FAM184B: variants seen among roughly 807,000 people sequenced by gnomAD.
FAM184B encodes the protein family with sequence similarity 184 member B.
In FAM184B, 111 loss-of-function variants were observed where a neutral mutation model predicts 135.9. The ratio of observed to expected loss-of-function variants is 0.82; its 90% CI spans 0.70 to 0.96. FAM184B has a LOEUF of 0.96. Among genes scored for constraint, FAM184B ranks in the 40% least tolerant of loss-of-function variants. The probability of loss-of-function intolerance (pLI) is 0.00; values close to 1 mark genes in which losing one functional copy is unlikely to be tolerated. For synonymous variants in FAM184B, 552 were observed against 524.8 expected, an observed-to-expected ratio of 1.05 and a Z score of -0.71; for missense variants, 1,375 against 1,323.9, an observed-to-expected ratio of 1.04 and a Z score of -0.60.
At chr4:17,750,327 C>A (rs997272070) in intron 1 of FAM184B, among the ~76,000 whole-genome samples, 1 of 152,134 alleles carries the variant, frequency 6.6e-6, no homozygotes, top group Non-Finnish European at 1.5e-5. Flanking sequence ...AGTTTTAATC[C>A]TATGAACTTT....
chr4:17,634,858 G>A (rs182144411), intron 16 of FAM184B, 151 bp downstream of exon 16: 82 of 516,222 alleles, frequency 1.6e-4, no homozygotes, highest in East Asian at 8.4e-4. Context: ...CACATAATCC[G>A]CCCAGCCATA....
intron 7 of FAM184B, among the ~76,000 whole-genome samples, chr4:17,665,571 A>T (rs2108945096): frequency 6.6e-6 from 1 of 152,274 alleles, no homozygotes; most frequent in East Asian, 1.9e-4. Context: ...CTGTGAAACA[A>T]AGGGGCTGGC....
chr4:17,632,624 T>G lies in FAM184B; in HGVS notation c.3091A>C (p.Thr1031Pro), dbSNP rs1411752136. 6.6e-7 allele frequency: 1 copy of G among 1,522,784 alleles called. No individual in the cohort carries two copies. Among genetic ancestry groups the G allele is most frequent in the Non-Finnish European group, 8.8e-7 (1 of 1,133,518 alleles). 94.3% of individuals were successfully genotyped at this position (1,522,784 alleles called of 1,614,324 possible). Residue 1031 changes from threonine (T) to proline (P), a missense_variant and splice_region_variant, in exon 18 of 18, where the codon ACC (threonine) becomes CCC (proline). Physicochemically the swap from Thr to Pro is conservative, Grantham distance 38. Coordinates refer to ENST00000265018, the MANE Select transcript of FAM184B (RefSeq NM_015688.2). ...QSTDAKTATR[T>P]PDGETAQAKE... Reference sequence around the variant, plus strand: ...GCTTGGGCCGTTTCACCATCTGGGGTCCTAAAAGCAAAAAAAGGTTTTTTT... The same window carrying G: ...GCTTGGGCCGTTTCACCATCTGGGGGCCTAAAAGCAAAAAAAGGTTTTTTT...
Position 17,709,512 on chromosome 4 carries a change from C to A in FAM184B, c.274G>T (p.Ala92Ser). The part of the protein sequence containing the change: ...KARLLQEQGC[A>S]EEEALLQRIQ... Reference sequence around the variant, plus strand: ...CGCTGTAGAAGGGCTTCCTCCTCTGCGCAGCCCTGTTCCTGCAGGAGCCTG... The same window carrying A: ...CGCTGTAGAAGGGCTTCCTCCTCTGAGCAGCCCTGTTCCTGCAGGAGCCTG... Residue 92 changes from alanine to serine, a missense_variant, in exon 2 of 18, where the codon GCA becomes TCA. Physicochemically the swap from Ala to Ser is moderately conservative, Grantham distance 99. Transcript: ENST00000265018. 6.4e-7 allele frequency: 1 copy of A among 1,551,008 alleles called. No homozygotes were observed. The highest frequency in any genetic ancestry group is 1.2e-5 in the South Asian group (1 of 84,014).
At chr4:17,642,534 C>T (rs1481904033) in intron 12 of FAM184B, among the ~76,000 whole-genome samples, 3 of 152,202 alleles carry the variant, frequency 2.0e-5, no homozygotes, top group Non-Finnish European at 4.4e-5. Flanking sequence ...TCCATGCCTG[C>T]CTCAGTGAAG....
In FAM184B at chr4:17,708,693, A is replaced by G. The variant is rs1268436595; in HGVS notation, c.894+199T>C. On this transcript the variant is annotated intron_variant, in intron 2 of 17. Transcript: ENST00000265018. ...TATATATATATATATATATATATAT[A>G]TATATATATATATATAGTGTCTGTG... 2.3e-4 allele frequency among the ~76,000 whole-genome samples: 12 copies of G among 51,098 alleles called. 1 individual carries two copies. The highest frequency in any genetic ancestry group is 7.5e-4 in the African/African-American group (9 of 11,928). The allele number at this position is 51,098 out of a possible 152,430, so 33.5% of individuals were successfully genotyped here.
intron 7 of FAM184B, among the ~76,000 whole-genome samples, chr4:17,674,680 A>ATC (rs1716271743): frequency 6.6e-6 from 1 of 152,220 alleles, no homozygotes; most frequent in South Asian, 2.1e-4. Context: ...ATCCTCTCAA[A>ATC]CTGTCACTGA....
At chr4:17,659,355 C>T (rs1470912508) in intron 9 of FAM184B, among the ~76,000 whole-genome samples, 3 of 152,132 alleles carry the variant, frequency 2.0e-5, no homozygotes, top group Non-Finnish European at 4.4e-5. Context: ...ATTCCTCCTG[C>T]CTCAGCCTCC....
chr4:17,711,944 T>C (rs752952993), intron 1 of FAM184B, among the ~76,000 whole-genome samples: 2 of 152,098 alleles, frequency 1.3e-5, no homozygotes, highest in Admixed American at 1.3e-4. Context: ...GAAGAAAGCA[T>C]AAAAGTGTGA....
intron 11 of FAM184B, 33 bp downstream of exon 11, chr4:17,652,797 C>T (rs1445886436): frequency 1.0e-5 from 16 of 1,529,732 alleles, no homozygotes; most frequent in Non-Finnish European, 1.4e-5. Flanking sequence ...TGCAGTTGGC[C>T]AGGCCCTCCT....
rs1253646753 is a variant in FAM184B at position 17,664,662 on chromosome 4, A to G, written c.1597-3T>C. 3 of 1,524,906 alleles carry G rather than the reference A, an allele frequency of 2.0e-6. No homozygotes were observed. The highest frequency in any genetic ancestry group is 4.9e-5 in the East Asian group (2 of 40,738). The allele number at this position is 1,524,906 out of a possible 1,614,324, so 94.5% of individuals were successfully genotyped here. ...TCATCCAGCTTCAAGCATGGATCCT[A>G]AGGCCAAAAAAGAAAAAGAAAAAAA... is the stretch of plus-strand genomic sequence containing the variant. On this transcript the variant is annotated splice_region_variant and splice_polypyrimidine_tract_variant and intron_variant, in intron 7 of 17. Coordinates refer to ENST00000265018, the MANE Select transcript of FAM184B (RefSeq NM_015688.2).
intron 1 of FAM184B, among the ~76,000 whole-genome samples, chr4:17,731,370 G>C (rs1717770638): frequency 6.6e-6 from 1 of 152,136 alleles, no homozygotes; most frequent in Non-Finnish European, 1.5e-5. Context: ...CCAATTAAAA[G>C]GCACAGACTG....
chr4:17,638,624 TAAC>T (rs1715218267), intron 14 of FAM184B, among the ~76,000 whole-genome samples: 1 of 152,222 alleles, frequency 6.6e-6, no homozygotes, highest in South Asian at 2.1e-4. Flanking sequence ...AATGGGTCCT[TAAC>T]AATTATTTGT....
chr4:17,755,528 T>C (rs528770450), intron 1 of FAM184B, among the ~76,000 whole-genome samples: 44 of 152,308 alleles, frequency 2.9e-4, no homozygotes, highest in African/African-American at 1.1e-3. Context: ...GAAGCAGAAA[T>C]ACCATTTGAC....
chr4:17,739,173 C>A (rs1717969677), intron 1 of FAM184B, among the ~76,000 whole-genome samples: 1 of 152,198 alleles, frequency 6.6e-6, no homozygotes, highest in Admixed American at 6.5e-5. Flanking sequence ...CCTCACTTGA[C>A]CCACAAGGTG....
rs1307058230 is a variant in FAM184B at position 17,632,261 on chromosome 4, G to A, written c.*271C>T. On this transcript the variant is annotated 3_prime_UTR_variant, in exon 18 of 18. Coordinates refer to ENST00000265018, the MANE Select transcript of FAM184B (RefSeq NM_015688.2). ...GGCTAATTTTTGTATATTTTGTAGAGATGGGGTTTCACCATATTGGCCAGG... is the reference window on the plus strand; with the variant it reads ...GGCTAATTTTTGTATATTTTGTAGAAATGGGGTTTCACCATATTGGCCAGG... 1 of 223,860 alleles carries A rather than the reference G, an allele frequency of 4.5e-6. No homozygotes were observed. Among genetic ancestry groups the A allele is most frequent in the African/African-American group, 2.3e-5 (1 of 43,940 alleles). The allele number at this position is 223,860 out of a possible 1,614,324, so 13.9% of individuals were successfully genotyped here.
In FAM184B at chr4:17,636,518, A is replaced by AC; in HGVS notation, c.2784+9dup. 3.2e-6 allele frequency: 5 copies of AC among 1,544,112 alleles called. No individual in the cohort carries two copies. Among genetic ancestry groups the AC allele is most frequent in the Non-Finnish European group, 4.4e-6 (5 of 1,141,786 alleles). Reference sequence around the variant, plus strand: ...AGGTGCGTGGGTGAGGCGCCCCCTGACAGCCTCACCGTGAGCTGCTTGATG... The same window carrying AC: ...AGGTGCGTGGGTGAGGCGCCCCCTGACCAGCCTCACCGTGAGCTGCTTGATG... On this transcript the variant is annotated intron_variant, in intron 15 of 17. Coordinates refer to ENST00000265018, the MANE Select transcript of FAM184B (RefSeq NM_015688.2).
rs199536597 is a variant in FAM184B at position 17,654,193 on chromosome 4, C to CT, written c.2038-1211dup. 9.9e-3 allele frequency among the ~76,000 whole-genome samples: 1,374 copies of CT among 138,250 alleles called. 20 individuals carry two copies. Among genetic ancestry groups the CT allele is most frequent in the East Asian group, 0.059 (285 of 4,816 alleles). The allele number at this position is 138,250 out of a possible 152,430, so 90.7% of individuals were successfully genotyped here. On this transcript the variant is annotated intron_variant, in intron 10 of 17. Coordinates refer to ENST00000265018, the MANE Select transcript of FAM184B (RefSeq NM_015688.2). Reference sequence around the variant, plus strand: ...CAATAGGAAACTAATATAGTTTCTGCTTTTTTTTTTTTTTCCAGTTAGCAG... The same window carrying CT: ...CAATAGGAAACTAATATAGTTTCTGCTTTTTTTTTTTTTTTCCAGTTAGCAG...
At chr4:17,751,568 G>T (rs992006235) in intron 1 of FAM184B, among the ~76,000 whole-genome samples, 6 of 152,012 alleles carry the variant, frequency 3.9e-5, no homozygotes, top group African/African-American at 7.3e-5. Flanking sequence ...ACCTTTTGTT[G>T]TTACTGTTGT....
Sources: allele counts gnomAD v4.1 joint callset (sites outside exome capture counted in the v4.1 genomes callset), GRCh38; gene constraint gnomAD v4.1.1; transcripts MANE v1.5; gene names NCBI Gene and HGNC (gene_info 2026-07-23, HGNC 2026-07-21).